The following CFAP77 variants were observed in gnomAD, a reference collection of about 807,000 sequenced individuals.
CFAP77 encodes the protein cilia- and flagella-associated protein 77.
CFAP77 carries 25 observed loss-of-function variants against 31.1 expected under a neutral mutation model. The ratio of observed to expected loss-of-function variants is 0.80; its 90% CI spans 0.59 to 1.12. The LOEUF (loss-of-function observed/expected upper bound fraction) is 1.12. Ranked by LOEUF, CFAP77 falls within the 50% of genes most tolerant of loss-of-function variation. CFAP77 has a pLI of 0.00. For synonymous variants in CFAP77, 151 were observed against 159.9 expected (o/e 0.94, Z 0.42); for missense variants, 377 against 397.3 (o/e 0.95, Z 0.44).
rs771246727 is a variant in CFAP77 at position 132,511,663 on chromosome 9, A to G, written c.524+12063A>G. 3.3e-4 allele frequency among the ~76,000 whole-genome samples: 51 copies of G among 152,370 alleles called. No homozygotes were observed. Among genetic ancestry groups the G allele is most frequent in the Non-Finnish European group, 5.9e-4 (40 of 68,040 alleles). On this transcript the variant is annotated intron_variant, in intron 3 of 5. Coordinates refer to ENST00000393216, the MANE Select transcript of CFAP77 (RefSeq NM_001282957.2). The surrounding 1 kb of genome is among the most constrained non-coding windows in gnomAD (Gnocchi z 5.8). ...ACTCTTTCCCGGGCACGACTCTTGC[A>G]GGGCACTGAGCTTCAGCTACAGGAG...
At chr9:132,515,104 G>C (rs1323695193) in intron 3 of CFAP77, among the ~76,000 whole-genome samples, 2 of 152,186 alleles carry the variant, frequency 1.3e-5, no homozygotes, top group Non-Finnish European at 2.9e-5. Flanking sequence ...TGGCGGGGGT[G>C]GGGGAGGCAC....
At chr9:132,470,922 G>T (rs1216790246) in intron 1 of CFAP77, among the ~76,000 whole-genome samples, 2 of 152,196 alleles carry the variant, frequency 1.3e-5, no homozygotes, top group Non-Finnish European at 2.9e-5. Context: ...AGGTTGCAGT[G>T]AGCCAAGATC....
intron 3 of CFAP77, among the ~76,000 whole-genome samples, chr9:132,529,507 T>TAAAAAAAAAAAAAAAAAAA (rs750691279): frequency 1.8e-5 from 2 of 108,832 alleles, no homozygotes; most frequent in African/African-American, 6.7e-5. Context: ...TAGAGTATAA[T>TAAAAAAAAAAAAAAAAAAA]AAAAAAAAAA....
chr9:132,568,393 A>G (rs940720946), intron 5 of CFAP77, among the ~76,000 whole-genome samples: 10 of 152,000 alleles, frequency 6.6e-5, no homozygotes, highest in Non-Finnish European at 8.8e-5. Context: ...CGTTTCTACT[A>G]AAAATACAAA....
chr9:132,501,698 C>T lies in CFAP77; in HGVS notation c.524+2098C>T, dbSNP rs369011786. Among the ~76,000 whole-genome samples the T allele has an allele frequency of 1.1e-3, 164 of 152,322 alleles. 5 individuals carry two copies. The South Asian group carries it at 0.03, about 28-fold the overall frequency. On this transcript the variant is annotated intron_variant, in intron 3 of 5. Transcript: ENST00000393216. The surrounding 1 kb of genome is among the most constrained non-coding windows in gnomAD (Gnocchi z 4.6). Reference sequence around the variant, plus strand: ...GATGACAGGTGTGAGCCACTGCGCCCGGTTACATGACTATCTTCTACTCAG... The same window carrying T: ...GATGACAGGTGTGAGCCACTGCGCCTGGTTACATGACTATCTTCTACTCAG...
intron 5 of CFAP77, among the ~76,000 whole-genome samples, chr9:132,543,327 G>A (rs1346886896): frequency 7.9e-5 from 12 of 152,230 alleles, no homozygotes; most frequent in African/African-American, 2.9e-4. Flanking sequence ...GCAGAGTCTT[G>A]GGCTGAACCC....
intron 3 of CFAP77, among the ~76,000 whole-genome samples, chr9:132,509,971 A>G (rs151136657): frequency 3.9e-5 from 6 of 152,252 alleles, no homozygotes; most frequent in Non-Finnish European, 8.8e-5. Context: ...TTGTCTCCAG[A>G]GCCAGGACAG....
At chr9:132,513,729 A>T (rs1411677242) in intron 3 of CFAP77, among the ~76,000 whole-genome samples, 1 of 151,996 alleles carries the variant, frequency 6.6e-6, no homozygotes, top group Non-Finnish European at 1.5e-5. Context: ...GCACCCTGGC[A>T]CACCTGGTGC....
chr9:132,473,939 T>A (rs1288862754), intron 1 of CFAP77, among the ~76,000 whole-genome samples: 1 of 152,202 alleles, frequency 6.6e-6, no homozygotes, highest in Non-Finnish European at 1.5e-5. Flanking sequence ...TGCCTCGGCC[T>A]CCCAAAGTGC....
At chr9:132,459,890 G>A (rs1018978320) in intron 1 of CFAP77, among the ~76,000 whole-genome samples, 10 of 151,732 alleles carry the variant, frequency 6.6e-5, no homozygotes, top group Non-Finnish European at 1.5e-5. Context: ...GTATGTGGGT[G>A]TGAGTGTGTT....
At chr9:132,440,163 T>C (rs1485169083) in intron 1 of CFAP77, among the ~76,000 whole-genome samples, 4 of 151,758 alleles carry the variant, frequency 2.6e-5, no homozygotes, top group East Asian at 3.9e-4. Context: ...AAGCCCCCTC[T>C]CTACAAAAAA....
At chr9:132,458,357 G>GGGGGTGGGGT (rs139008147) in intron 1 of CFAP77, among the ~76,000 whole-genome samples, 42 of 119,078 alleles carry the variant, frequency 3.5e-4, no homozygotes, top group Non-Finnish European at 4.0e-4. Context: ...GAGGGGGGGG[G>GGGGGTGGGGT]GTGTGTATGG....
At chr9:132,560,071 G>T (rs917780443) in intron 5 of CFAP77, among the ~76,000 whole-genome samples, 1 of 152,184 alleles carries the variant, frequency 6.6e-6, no homozygotes, top group African/African-American at 2.4e-5. Flanking sequence ...TTCTTTTGGG[G>T]GTGATGAAAT....
intron 1 of CFAP77, among the ~76,000 whole-genome samples, chr9:132,423,076 G>A (rs377741141): frequency 2.0e-5 from 3 of 152,204 alleles, no homozygotes; most frequent in Admixed American, 6.5e-5. Context: ...GTTGGGCTTC[G>A]CGGCTGCCTC....
rs756150012 is a variant in CFAP77, at chr9:132,501,790, C to G, written c.524+2190C>G. ...TCTGCCTCAGAGCCAATGGCTGAGG[C>G]CAGGGGAATCTGAAGCCTGGCTGGC... On this transcript the variant is annotated intron_variant, in intron 3 of 5. Transcript: ENST00000393216. The surrounding 1 kb of genome is among the most constrained non-coding windows in gnomAD (Gnocchi z 4.6). 1.3e-5 allele frequency among the ~76,000 whole-genome samples: 2 copies of G among 152,222 alleles called. No homozygotes were observed. Among genetic ancestry groups the G allele is most frequent in the Non-Finnish European group, 2.9e-5 (2 of 68,034 alleles).
chr9:132,418,873 C>T (rs1253788890), intron 1 of CFAP77, among the ~76,000 whole-genome samples: 2 of 152,212 alleles, frequency 1.3e-5, no homozygotes, highest in Admixed American at 6.5e-5. Flanking sequence ...AGATTTAAAA[C>T]AAAATTGATT....
chr9:132,506,128 C>T (rs1206151222), intron 3 of CFAP77, among the ~76,000 whole-genome samples: 3 of 152,222 alleles, frequency 2.0e-5, no homozygotes, highest in Non-Finnish European at 2.9e-5. Context: ...GAAGACCACA[C>T]CTCTAGGATC....
intron 1 of CFAP77, among the ~76,000 whole-genome samples, chr9:132,487,124 A>ATT (rs1851575676): frequency 1.3e-5 from 2 of 152,246 alleles, no homozygotes. Flanking sequence ...AGTCTTAACA[A>ATT]TAAGACAGCA....
intron 1 of CFAP77, chr9:132,482,249 C>A: frequency 9.1e-7 from 1 of 1,103,352 alleles, no homozygotes; most frequent in Non-Finnish European, 1.4e-6. Flanking sequence ...GGTCTGCTGG[C>A]TGTGACCCTT....
Sources: gnomAD v4.1 joint callset for allele counts (sites outside exome capture counted in the v4.1 genomes callset) on GRCh38, gnomAD v4.1.1 for gene constraint, Gnocchi (gnomAD v3.1) non-coding constraint, MANE v1.5 for transcripts, NCBI Gene and HGNC (gene_info 2026-07-23, HGNC 2026-07-21) for gene names.